Variants in NR6A1 observed in about 807,000 individuals in gnomAD.
NR6A1 encodes retinoic acid receptor-related testis-associated receptor.
In NR6A1, 7 loss-of-function variants were observed where a neutral mutation model predicts 59.1. The observed-to-expected ratio is 0.12, with a 90% CI of 0.07 to 0.22. The LOEUF (loss-of-function observed/expected upper bound fraction) is 0.22. Ranked by LOEUF, NR6A1 falls within the 10% of genes least tolerant of loss-of-function variation. The pLI is 1.00. For missense variants in NR6A1, 468 were observed against 611.6 expected (o/e 0.77, Z 2.48); for synonymous variants, 243 against 236.1 (o/e 1.03, Z -0.27).
chr9:124,536,677 A>G (rs1250006588), intron 6 of NR6A1, among the ~76,000 whole-genome samples: 1 of 152,118 alleles, frequency 6.6e-6, no homozygotes, highest in Non-Finnish European at 1.5e-5. Context: ...AAAAAAAAAA[A>G]AAGAAATGTG....
At position 124,700,376 on chromosome 9, in the gene NR6A1, T is replaced by A. The variant is rs80200952; in HGVS notation, c.142+32932A>T. 4.6e-3 allele frequency among the ~76,000 whole-genome samples: 706 copies of A among 151,954 alleles called. 5 individuals carry two copies. Among genetic ancestry groups the A allele is most frequent in the African/African-American group, 0.015 (637 of 41,434 alleles). ...TGCCCGGCTAATTTTTGCATTTTTT[T>A]AAATTTTTTAATTTTTATTTTTTTA... On this transcript the variant is annotated intron_variant, in intron 2 of 9. Transcript: ENST00000487099.
intron 7 of NR6A1, among the ~76,000 whole-genome samples, chr9:124,528,435 T>C (rs1480429850): frequency 1.3e-5 from 2 of 152,162 alleles, no homozygotes; most frequent in East Asian, 3.8e-4. Context: ...GTGTGGTGGC[T>C]CACACCTGTA....
chr9:124,729,004 T>A (rs1223013573), intron 2 of NR6A1, among the ~76,000 whole-genome samples: 2 of 152,202 alleles, frequency 1.3e-5, no homozygotes, highest in East Asian at 1.9e-4. Flanking sequence ...TAATTTGACT[T>A]GAGCCATAAA....
chr9:124,721,483 T>C (rs1250227408), intron 2 of NR6A1, among the ~76,000 whole-genome samples: 1 of 152,178 alleles, frequency 6.6e-6, no homozygotes, highest in Non-Finnish European at 1.5e-5. Context: ...GGAACTGTTA[T>C]GAATGTGACA....
intron 2 of NR6A1, among the ~76,000 whole-genome samples, chr9:124,690,658 C>A (rs1480164897): frequency 6.6e-6 from 1 of 152,058 alleles, no homozygotes; most frequent in East Asian, 1.9e-4. Flanking sequence ...CCTCAGCCTC[C>A]GAAAGTGCTG....
At chr9:124,647,213 G>C (rs2130913675) in intron 2 of NR6A1, among the ~76,000 whole-genome samples, 1 of 152,216 alleles carries the variant, frequency 6.6e-6, no homozygotes, top group Admixed American at 6.5e-5. Context: ...CACAGTGCCT[G>C]GCCCTGGTTT....
intron 2 of NR6A1, among the ~76,000 whole-genome samples, chr9:124,630,137 A>G (rs2130878623): frequency 6.6e-6 from 1 of 152,032 alleles, no homozygotes; most frequent in South Asian, 2.1e-4. Context: ...ATCATACAAT[A>G]TCTAGAATTA....
intron 3 of NR6A1, among the ~76,000 whole-genome samples, chr9:124,546,028 T>C (rs939550068): frequency 2.6e-5 from 4 of 152,138 alleles, no homozygotes; most frequent in African/African-American, 4.8e-5. Context: ...GGCAGGAGAA[T>C]TGCTTGAACC....
intron 2 of NR6A1, among the ~76,000 whole-genome samples, chr9:124,641,313 C>G (rs1227668549): frequency 1.4e-5 from 2 of 146,188 alleles, no homozygotes; most frequent in African/African-American, 2.6e-5. Flanking sequence ...GAGCCGAGAT[C>G]ACCCCATTGC....
rs1588650420 is a variant in NR6A1, at chr9:124,540,303, T to C, written c.442-116A>G. The C allele has an allele frequency of 2.7e-6, 3 of 1,113,932 alleles. No individual in the cohort carries two copies. The East Asian group carries it at 7.5e-5, about 28-fold the overall frequency. The allele number at this position is 1,113,932 out of a possible 1,614,324, so 69.0% of individuals were successfully genotyped here. On this transcript the variant is annotated intron_variant, in intron 4 of 9. Transcript: ENST00000487099. ...TCCCAGAAACCTAGGTTCCCTCTCC[T>C]CCATCCCCATATTCCGGGCCTCTCA...
At chr9:124,702,558 G>A (rs950508523) in intron 2 of NR6A1, among the ~76,000 whole-genome samples, 5 of 152,100 alleles carry the variant, frequency 3.3e-5, no homozygotes, top group Admixed American at 3.3e-4. Flanking sequence ...GGCCTAATGG[G>A]AGGTAGTTGG....
At chr9:124,556,036 G>A (rs887705337) in intron 2 of NR6A1, among the ~76,000 whole-genome samples, 1 of 152,178 alleles carries the variant, frequency 6.6e-6, no homozygotes, top group Admixed American at 6.5e-5. Flanking sequence ...TGCCAACTTT[G>A]AGATGAGTCT....
chr9:124,615,823 G>GTTTT (rs1835873296), intron 2 of NR6A1, among the ~76,000 whole-genome samples: 1 of 151,876 alleles, frequency 6.6e-6, no homozygotes, highest in Non-Finnish European at 1.5e-5. Flanking sequence ...ACAATCTTAG[G>GTTTT]TTTTATTTAT....
chr9:124,598,519 T>G (rs192395643), intron 2 of NR6A1, among the ~76,000 whole-genome samples: 1 of 152,046 alleles, frequency 6.6e-6, no homozygotes, highest in African/African-American at 2.4e-5. Context: ...CAAACATACG[T>G]AGCATTTGCA....
intron 1 of NR6A1, among the ~76,000 whole-genome samples, chr9:124,767,302 C>A (rs986291500): frequency 6.6e-6 from 1 of 151,892 alleles, no homozygotes; most frequent in Non-Finnish European, 1.5e-5. Context: ...CTTTTTGCTA[C>A]GGAAGTCAGA....
chr9:124,621,220 C>A (rs952110537), intron 2 of NR6A1, among the ~76,000 whole-genome samples: 2 of 152,168 alleles, frequency 1.3e-5, no homozygotes, highest in African/African-American at 4.8e-5. Flanking sequence ...AGAAATCTGA[C>A]ATAAAACATG....
At chr9:124,633,165 G>T (rs1402188671) in intron 2 of NR6A1, among the ~76,000 whole-genome samples, 2 of 152,072 alleles carry the variant, frequency 1.3e-5, no homozygotes, top group Admixed American at 6.5e-5. Flanking sequence ...AGCTCTTTGG[G>T]AGGCCAAGGC....
At chr9:124,723,611 A>G (rs1407349139) in intron 2 of NR6A1, among the ~76,000 whole-genome samples, 1 of 152,192 alleles carries the variant, frequency 6.6e-6, no homozygotes, top group African/African-American at 2.4e-5. Flanking sequence ...ATTGAATAAA[A>G]CAGTTTCAAC....
At chr9:124,709,132 C>T (rs913698124) in intron 2 of NR6A1, among the ~76,000 whole-genome samples, 2 of 152,154 alleles carry the variant, frequency 1.3e-5, no homozygotes, top group Non-Finnish European at 2.9e-5. Flanking sequence ...TAATCTATGC[C>T]CCTGAGTTTT....
Sources: allele counts gnomAD v4.1 joint callset (sites outside exome capture counted in the v4.1 genomes callset), GRCh38; gene constraint gnomAD v4.1.1; transcripts MANE v1.5; gene names NCBI Gene and HGNC (gene_info 2026-07-23, HGNC 2026-07-21).